RGS9: variants seen among roughly 807,000 people sequenced by gnomAD.
The protein encoded by RGS9 is regulator of G protein signaling 9, also known as regulator of G-protein signalling 9.
In RGS9, 78 loss-of-function variants were observed where a neutral mutation model predicts 102.0. The ratio of observed to expected loss-of-function variants is 0.76; its 90% CI spans 0.64 to 0.92. RGS9 has a LOEUF of 0.92. Ranked by LOEUF, RGS9 falls within the 40% of genes least tolerant of loss-of-function variation. The pLI is 0.00. For missense variants in RGS9, 833 were observed against 866.1 expected (o/e 0.96, Z 0.48); for synonymous variants, 353 against 318.6 (o/e 1.11, Z -1.15).
At chr17:65,177,604 T>C in intron 8 of RGS9, 128 bp from the exon 9 acceptor site, 1 of 946,104 alleles carries the variant, frequency 1.1e-6, no homozygotes, top group Non-Finnish European at 1.8e-6. Context: ...ACTCAAAGCT[T>C]CCCATGGGCT....
At chr17:65,192,634 G>A (rs9889653) in intron 11 of RGS9, among the ~76,000 whole-genome samples, 37,448 of 151,246 alleles carry the variant, frequency 0.25, 6,149 homozygotes, top group African/African-American at 0.46. Flanking sequence ...AAAAAGTTAC[G>A]AAATTACAGC....
At chr17:65,160,502 T>C in intron 4 of RGS9, 34 bp from the exon 5 acceptor site, 1 of 1,613,966 alleles carries the variant, frequency 6.2e-7, no homozygotes, top group Non-Finnish European at 8.5e-7. Context: ...CACAATCCAG[T>C]TTTAAAGCGT....
intron 16 of RGS9, among the ~76,000 whole-genome samples, chr17:65,209,198 A>G (rs1197573463): frequency 6.6e-6 from 1 of 152,208 alleles, no homozygotes; most frequent in African/African-American, 2.4e-5. Flanking sequence ...TGTCCATACC[A>G]GGACTACAGT....
intron 17 of RGS9, 81 bp from the exon 18 acceptor site, chr17:65,224,920 AG>A (rs1905562181): frequency 6.3e-7 from 1 of 1,581,128 alleles, no homozygotes; most frequent in African/African-American, 1.3e-5. Flanking sequence ...AAGGGGACTA[AG>A]TTAGCAGAGG....
chr17:65,146,137 G>C (rs945239700), intron 1 of RGS9, among the ~76,000 whole-genome samples: 3 of 151,986 alleles, frequency 2.0e-5, no homozygotes, highest in Non-Finnish European at 4.4e-5. Context: ...AGAGAAACTC[G>C]GGTTTCTAAC....
In RGS9 at chr17:65,195,593, C is replaced by T. The variant is rs151245411; in HGVS notation, c.861-1533C>T. 3.6e-3 allele frequency among the ~76,000 whole-genome samples: 543 copies of T among 152,242 alleles called. 3 individuals are homozygous for T. Among genetic ancestry groups the T allele is most frequent in the African/African-American group, 0.012 (513 of 41,526 alleles). On this transcript the variant is annotated intron_variant, in intron 12 of 18. Coordinates refer to ENST00000262406, the MANE Select transcript of RGS9 (RefSeq NM_003835.4). ...TTTTCACCCCTTTCCCCTGAGTCCC[C>T]GAAGTGCATCGTGTCATTCATAAGC...
At chr17:65,211,243 C>T (rs1598619370) in intron 17 of RGS9, among the ~76,000 whole-genome samples, 1 of 152,304 alleles carries the variant, frequency 6.6e-6, no homozygotes, top group Non-Finnish European at 1.5e-5. Context: ...TCTCTGAACT[C>T]CCCTGCTATG....
At chr17:65,169,480 C>T (rs750495117) in intron 8 of RGS9, among the ~76,000 whole-genome samples, 31 of 152,232 alleles carry the variant, frequency 2.0e-4, no homozygotes, top group South Asian at 1.0e-3. Flanking sequence ...TCACATTGCT[C>T]GTGTGTTCCA....
chr17:65,138,112 G>A (rs1253865897), intron 1 of RGS9, among the ~76,000 whole-genome samples: 1 of 152,192 alleles, frequency 6.6e-6, no homozygotes, highest in Admixed American at 6.5e-5. Flanking sequence ...CTGCGCTGGC[G>A]GCAGAAGTCC....
At chr17:65,202,998 C>T (rs1173950395) in intron 14 of RGS9, among the ~76,000 whole-genome samples, 3 of 152,248 alleles carry the variant, frequency 2.0e-5, no homozygotes, top group Non-Finnish European at 4.4e-5. Flanking sequence ...CCACGCTGGG[C>T]TGGAACCAGC....
chr17:65,227,613 C>T lies in RGS9; in HGVS notation c.*206C>T. On this transcript the variant is annotated 3_prime_UTR_variant, in exon 19 of 19. Coordinates refer to ENST00000262406, the MANE Select transcript of RGS9 (RefSeq NM_003835.4). ...AACTCCTTCTCCTCTTCCTGACCCTCCCTCCCCTGGGCAGAAGAAACGCAT... is the reference window on the plus strand; with the variant it reads ...AACTCCTTCTCCTCTTCCTGACCCTTCCTCCCCTGGGCAGAAGAAACGCAT... The T allele has an allele frequency of 1.5e-6, 1 of 656,740 alleles. No individual in the cohort carries two copies. Among genetic ancestry groups the T allele is most frequent in the South Asian group, 1.8e-5 (1 of 55,596 alleles). 40.7% of individuals were successfully genotyped at this position (656,740 alleles called of 1,614,324 possible). A position where few individuals can be genotyped will look rare whatever the true frequency, so the allele number is the denominator to read the frequency against.
At position 65,210,580 on chromosome 17, in the gene RGS9, C is replaced by T; in HGVS notation, c.1382C>T (p.Ala461Val). The T allele has an allele frequency of 6.2e-7, 1 of 1,614,028 alleles. No individual in the cohort carries two copies. The highest frequency in any genetic ancestry group is 8.5e-7 in the Non-Finnish European group (1 of 1,180,048). ...GAAGAGGAAGCCAAGGCCCGAGAAG[C>T]AGCCAACACTGTGGACATCACCCAG... ...QLEEEAKARE[A>V]ANTVDITQPG... is the part of the protein sequence containing the mutation. Residue 461 changes from alanine to valine, a missense_variant, in exon 17 of 19, where the codon GCA becomes GTA. Physicochemically the swap from Ala to Val is moderately conservative, Grantham distance 64 (BLOSUM62 0). This residue lies in a region of RGS9 where 185 missense variants were observed against 248.7 expected (regional missense o/e 0.74). Coordinates refer to ENST00000262406, the MANE Select transcript of RGS9 (RefSeq NM_003835.4).
intron 2 of RGS9, among the ~76,000 whole-genome samples, chr17:65,156,591 G>T (rs1379642665): frequency 6.6e-6 from 1 of 152,242 alleles, no homozygotes; most frequent in Non-Finnish European, 1.5e-5. Flanking sequence ...GGCTGATGCG[G>T]GAGGCTGAGC....
intron 17 of RGS9, among the ~76,000 whole-genome samples, chr17:65,213,451 C>T (rs1254491756): frequency 6.6e-6 from 1 of 151,982 alleles, no homozygotes; most frequent in Non-Finnish European, 1.5e-5. Flanking sequence ...TATTTGCTGT[C>T]CCTTTTGGTT....
chr17:65,179,486 C>A (rs374517981), intron 9 of RGS9, among the ~76,000 whole-genome samples: 1 of 151,494 alleles, frequency 6.6e-6, no homozygotes, highest in Non-Finnish European at 1.5e-5. Flanking sequence ...GGAAGGGTTG[C>A]TTTTTTTTAT....
rs113665578 is a variant in RGS9 at position 65,201,100 on chromosome 17, T to TACACACAC, written c.977-881_977-874dup. 2.7e-3 allele frequency among the ~76,000 whole-genome samples: 397 copies of TACACACAC among 148,738 alleles called. 4 individuals are homozygous for TACACACAC. The highest frequency in any genetic ancestry group is 0.019 in the East Asian group (96 of 5,120). On this transcript the variant is annotated intron_variant, in intron 13 of 18. Coordinates refer to ENST00000262406, the MANE Select transcript of RGS9 (RefSeq NM_003835.4). Reference sequence around the variant, plus strand: ...CCACACTGTGACACACTCCACGATTTACACACACACACACACACAGACACA... The same window carrying TACACACAC: ...CCACACTGTGACACACTCCACGATTTACACACACACACACACACACACACACAGACACA...
chr17:65,201,764 A>G (rs1362282001), intron 13 of RGS9, among the ~76,000 whole-genome samples: 2 of 152,190 alleles, frequency 1.3e-5, no homozygotes, highest in Non-Finnish European at 2.9e-5. Context: ...GCAATTACTA[A>G]GTTCCCAATG....
At chr17:65,159,132 TC>T (rs1160962881) in intron 3 of RGS9, among the ~76,000 whole-genome samples, 1 of 150,084 alleles carries the variant, frequency 6.7e-6, no homozygotes, top group Non-Finnish European at 1.5e-5. Context: ...CTCAAAAAGC[TC>T]CCCCACTGAG....
intron 11 of RGS9, among the ~76,000 whole-genome samples, chr17:65,192,513 C>G (rs193248325): frequency 6.6e-6 from 1 of 151,950 alleles, no homozygotes; most frequent in Admixed American, 6.6e-5. Flanking sequence ...CATCATGACA[C>G]TGACGTGGGA....
Sources: allele counts gnomAD v4.1 joint callset (sites outside exome capture counted in the v4.1 genomes callset), GRCh38; gene constraint gnomAD v4.1.1; regional missense constraint gnomAD v4.1.1; transcripts MANE v1.5; gene names NCBI Gene and HGNC (gene_info 2026-07-23, HGNC 2026-07-21).